The following STRN3 variants were observed in gnomAD, a reference collection of about 807,000 sequenced individuals.
STRN3 encodes the protein striatin 3.
A neutral mutation model predicts 95.6 loss-of-function variants in STRN3; 29 were observed. That is an observed-to-expected ratio of 0.30 (90% CI 0.23 to 0.41). The LOEUF is 0.41. Ranked by LOEUF, STRN3 falls within the 10% of genes least tolerant of loss-of-function variation. The pLI is 1.00. For missense variants in STRN3, 890 were observed against 972.1 expected (o/e 0.92, Z 1.12); for synonymous variants, 331 against 357.6 (o/e 0.93, Z 0.84).
intron 1 of STRN3, among the ~76,000 whole-genome samples, chr14:30,973,296 T>C (rs1463373999): frequency 1.4e-5 from 2 of 142,802 alleles, no homozygotes; most frequent in African/African-American, 5.3e-5. Context: ...AAAAGTCAAA[T>C]CTTTGAAAAG....
At chr14:31,003,458 C>T (rs1882566218) in intron 1 of STRN3, among the ~76,000 whole-genome samples, 1 of 151,814 alleles carries the variant, frequency 6.6e-6, no homozygotes, top group South Asian at 2.1e-4. Context: ...GGAGGTGGAG[C>T]CTAATGATAT....
At chr14:31,021,188 AATGG>A (rs1463708999) in intron 1 of STRN3, among the ~76,000 whole-genome samples, 1 of 152,066 alleles carries the variant, frequency 6.6e-6, no homozygotes, top group Non-Finnish European at 1.5e-5. Context: ...AGATTAACTG[AATGG>A]ATGTATTGAA....
chr14:30,994,737 A>G (rs576397412), intron 1 of STRN3, among the ~76,000 whole-genome samples: 6 of 152,354 alleles, frequency 3.9e-5, no homozygotes, highest in African/African-American at 1.4e-4. Flanking sequence ...GCACCACAAG[A>G]TATCTTTTAA....
chr14:30,988,261 C>T, intron 1 of STRN3, among the ~76,000 whole-genome samples: 1 of 152,128 alleles, frequency 6.6e-6, no homozygotes, highest in East Asian at 1.9e-4. Flanking sequence ...AGCACTTTGG[C>T]CTCATAAGCA....
rs775577809 is a variant in STRN3 at position 31,025,997 on chromosome 14, G to A, written c.189C>T (p.Tyr63=). The A allele has an allele frequency of 4.7e-5, 73 of 1,559,894 alleles. No homozygotes were observed. The highest frequency in any genetic ancestry group is 2.7e-5 in the African/African-American group (2 of 72,996). The part of the protein sequence containing the change: ...AGPELSRPQQ[Y]TIPGILHYIQ... ...TGTAGTGCAGTATCCCCGGGATAGT[G>A]TACTGCTGCGGCCGGGACAGCTCGG... The change falls in exon 1 of 18, where the codon TAC becomes TAT. Residue 63 remains tyrosine, a synonymous_variant. Coordinates refer to ENST00000357479, the MANE Select transcript of STRN3 (RefSeq NM_001083893.2).
intron 1 of STRN3, among the ~76,000 whole-genome samples, chr14:30,988,199 A>G (rs2139250283): frequency 6.6e-6 from 1 of 152,326 alleles, no homozygotes; most frequent in South Asian, 2.1e-4. Flanking sequence ...CACTGATTTG[A>G]CATATTAAAA....
chr14:30,925,517 T>C (rs1897006233), intron 8 of STRN3, among the ~76,000 whole-genome samples: 2 of 152,150 alleles, frequency 1.3e-5, no homozygotes, highest in African/African-American at 2.4e-5. Flanking sequence ...GCTAATTCAG[T>C]AGGTGTGACT....
chr14:30,925,879 T>C (rs1897014856), intron 8 of STRN3, among the ~76,000 whole-genome samples: 2 of 152,064 alleles, frequency 1.3e-5, no homozygotes, highest in African/African-American at 2.4e-5. Flanking sequence ...TGTACAAAGC[T>C]ACGTAAGGAG....
chr14:30,912,370 T>A, intron 10 of STRN3, 188 bp from the exon 11 acceptor site: 1 of 464,472 alleles, frequency 2.2e-6, no homozygotes, highest in Non-Finnish European at 3.6e-6. Context: ...TAACTCAGAA[T>A]AATTTCATTC....
intron 1 of STRN3, among the ~76,000 whole-genome samples, chr14:30,986,952 T>A (rs1881721174): frequency 6.6e-6 from 1 of 152,236 alleles, no homozygotes; most frequent in South Asian, 2.1e-4. Flanking sequence ...TATATTTTGG[T>A]ATCTCCATTT....
At chr14:31,018,910 G>T (rs1463643382) in intron 1 of STRN3, 2 of 270,646 alleles carry the variant, frequency 7.4e-6, no homozygotes, top group Non-Finnish European at 1.4e-5. Flanking sequence ...ATCACCTGAG[G>T]TCGGGAGTTT....
intron 16 of STRN3, among the ~76,000 whole-genome samples, chr14:30,897,585 A>G (rs915592559): frequency 2.6e-5 from 4 of 152,208 alleles, no homozygotes; most frequent in African/African-American, 4.8e-5. Context: ...ACTCCGTCTC[A>G]AAAAAGAAGA....
At chr14:31,022,094 T>C (rs780801755) in intron 1 of STRN3, among the ~76,000 whole-genome samples, 16 of 152,140 alleles carry the variant, frequency 1.1e-4, no homozygotes, top group Admixed American at 2.0e-4. Context: ...GAAAAATCAC[T>C]GTCGGCCGGG....
intron 1 of STRN3, among the ~76,000 whole-genome samples, chr14:30,962,254 A>T (rs1880246027): frequency 6.6e-6 from 1 of 152,252 alleles, no homozygotes; most frequent in African/African-American, 2.4e-5. Flanking sequence ...ATTTTTATAT[A>T]GCTGTACAAT....
chr14:30,929,967 A>AAAAAAAACAAAAAAAAC (rs1878430121), intron 7 of STRN3, among the ~76,000 whole-genome samples: 8 of 91,208 alleles, frequency 8.8e-5, no homozygotes, highest in Non-Finnish European at 1.6e-4. Context: ...AAAAAAAAAA[A>AAAAAAAACAAAAAAAAC]AAAAAAAAAA....
chr14:30,913,282 T>C (rs996233280), intron 10 of STRN3, among the ~76,000 whole-genome samples: 4 of 152,108 alleles, frequency 2.6e-5, no homozygotes, highest in Admixed American at 1.3e-4. Flanking sequence ...CAAGATGTAT[T>C]TACTGACCAA....
At chr14:30,969,076 AAAAGCATAACAGGTTTTT>A (rs1323295105) in intron 1 of STRN3, among the ~76,000 whole-genome samples, 1 of 152,238 alleles carries the variant, frequency 6.6e-6, no homozygotes, top group Non-Finnish European at 1.5e-5. Context: ...ATATTAAAAC[AAAAGCATAACAGGTTTTT>A]CTTAAAGCAC....
intron 7 of STRN3, among the ~76,000 whole-genome samples, 188 bp downstream of exon 7, chr14:30,934,975 A>G (rs1878745445): frequency 6.6e-6 from 1 of 152,216 alleles, no homozygotes; most frequent in Non-Finnish European, 1.5e-5. Flanking sequence ...CATATATATT[A>G]AATAGTTTAG....
Position 30,903,017 on chromosome 14 carries a change from T to A in STRN3, c.2030-374A>T, listed in dbSNP as rs951588096. 2.0e-5 allele frequency among the ~76,000 whole-genome samples: 3 copies of A among 152,176 alleles called. No homozygotes were observed. The East Asian group carries it at 5.8e-4, about 29-fold the overall frequency. On this transcript the variant is annotated intron_variant, in intron 15 of 17. Coordinates refer to ENST00000357479, the MANE Select transcript of STRN3 (RefSeq NM_001083893.2). Reference sequence around the variant, plus strand: ...TTCACAATTGCTAGTCAGATGTTTGTAAGGAACAACCCCCATCTACCTACA... The same window carrying A: ...TTCACAATTGCTAGTCAGATGTTTGAAAGGAACAACCCCCATCTACCTACA...
Sources: allele counts gnomAD v4.1 joint callset (sites outside exome capture counted in the v4.1 genomes callset), GRCh38; gene constraint gnomAD v4.1.1; transcripts MANE v1.5; gene names NCBI Gene and HGNC (gene_info 2026-07-23, HGNC 2026-07-21).